The following GRIK1 variants were observed in gnomAD, a reference collection of about 807,000 sequenced individuals.
GRIK1 encodes the protein glutamate receptor ionotropic, kainate 1.
GRIK1 carries 69 observed loss-of-function variants against 105.7 expected under a neutral mutation model. The observed-to-expected ratio is 0.65, with a 90% CI of 0.54 to 0.80. The LOEUF (loss-of-function observed/expected upper bound fraction) is 0.80, where lower values mean the gene tolerates loss of function less well. Among genes scored for constraint, GRIK1 ranks in the 30% least tolerant of loss-of-function variants. The pLI is 0.00. For missense variants in GRIK1, 1,109 were observed against 1,167.3 expected (o/e 0.95, Z 0.73); for synonymous variants, 438 against 431.3 (o/e 1.02, Z -0.19).
intron 1 of GRIK1, chr21:29,749,068 T>G (rs1277438410): frequency 6.6e-6 from 1 of 152,202 alleles, no homozygotes; most frequent in Non-Finnish European, 1.5e-5. Context: ...AAGGCTCTCC[T>G]GCAACATCTT....
chr21:29,937,884 A>ATATT (rs913707087), intron 1 of GRIK1, among the ~76,000 whole-genome samples: 1 of 152,102 alleles, frequency 6.6e-6, no homozygotes, highest in Non-Finnish European at 1.5e-5. Context: ...CAGATAAAGG[A>ATATT]TATTTCAGTT....
chr21:29,848,779 A>ATATATATTTTTTTTTTT, intron 1 of GRIK1, among the ~76,000 whole-genome samples: 1 of 77,866 alleles, frequency 1.3e-5, no homozygotes, highest in African/African-American at 5.8e-5. Context: ...ATATATATAT[A>ATATATATTTTTTTTTTT]TTTTTTTTTT....
intron 7 of GRIK1, among the ~76,000 whole-genome samples, chr21:29,622,640 A>G (rs1420949267): frequency 6.6e-6 from 1 of 152,112 alleles, no homozygotes; most frequent in Non-Finnish European, 1.5e-5. Flanking sequence ...TCCTAGGGGG[A>G]CCATGCACAT....
chr21:29,601,169 A>G, intron 7 of GRIK1: 1 of 490,344 alleles, frequency 2.0e-6, no homozygotes, highest in Non-Finnish European at 4.2e-6. Flanking sequence ...CAATTCATGT[A>G]GAGCCTGAAA....
At chr21:29,861,228 T>C (rs2068625790) in intron 1 of GRIK1, among the ~76,000 whole-genome samples, 1 of 152,108 alleles carries the variant, frequency 6.6e-6, no homozygotes, top group Non-Finnish European at 1.5e-5. Context: ...AGAAAGAATG[T>C]CTTTCTTCGT....
chr21:29,885,171 G>T (rs529433380), intron 1 of GRIK1, among the ~76,000 whole-genome samples: 1 of 152,026 alleles, frequency 6.6e-6, no homozygotes, highest in South Asian at 2.1e-4. Context: ...ATCAAATCAG[G>T]GTATTTATTG....
rs1218773356 is a variant in GRIK1, at chr21:29,828,011, C to CTCTCTCTCTGTCTCTGTG, written c.118+111371_118+111372insCACAGAGACAGAGAGAGA. On this transcript the variant is annotated intron_variant, in intron 1 of 17. Transcript: ENST00000327783. ...TCTCTCTCTCTCTCTCTGTCTCTCT[C>CTCTCTCTCTGTCTCTGTG]TGTGTGTGTGTGTGTGTGTGTGTGG... Among the ~76,000 whole-genome samples the CTCTCTCTCTGTCTCTGTG allele has an allele frequency of 8.9e-4, 68 of 76,504 alleles. 1 individual carries two copies. Among genetic ancestry groups the CTCTCTCTCTGTCTCTGTG allele is most frequent in the African/African-American group, 1.9e-3 (59 of 31,442 alleles). The allele number at this position is 76,504 out of a possible 152,430, so 50.2% of individuals were successfully genotyped here.
intron 1 of GRIK1, among the ~76,000 whole-genome samples, chr21:29,780,721 T>C (rs1023095204): frequency 2.0e-5 from 3 of 152,234 alleles, no homozygotes; most frequent in African/African-American, 7.2e-5. Flanking sequence ...TTAGATATTG[T>C]TCTTAATTGC....
At position 29,661,181 on chromosome 21, in the gene GRIK1, G is replaced by A. The variant is rs146950544; in HGVS notation, c.727-6318C>T. ...ATGATTATAGCTTACATCTACAAAA[G>A]TAATAGTGGAATATACAGAAAATAG... On this transcript the variant is annotated intron_variant, in intron 4 of 17. Coordinates refer to ENST00000327783, the MANE Select transcript of GRIK1 (RefSeq NM_001330994.2). Among the ~76,000 whole-genome samples the A allele has an allele frequency of 3.4e-3, 520 of 152,282 alleles. 4 individuals carry two copies. The highest frequency in any genetic ancestry group is 0.012 in the African/African-American group (505 of 41,542).
chr21:29,760,243 A>G (rs1174194984), intron 1 of GRIK1, among the ~76,000 whole-genome samples: 1 of 152,118 alleles, frequency 6.6e-6, no homozygotes, highest in Non-Finnish European at 1.5e-5. Context: ...TTCACCTCCA[A>G]CATGCTCTTG....
At chr21:29,890,191 T>C (rs927932102) in intron 1 of GRIK1, among the ~76,000 whole-genome samples, 3 of 152,186 alleles carry the variant, frequency 2.0e-5, no homozygotes, top group Non-Finnish European at 4.4e-5. Context: ...CTACACACCA[T>C]AGGCTCTAGA....
chr21:29,665,422 C>T (rs1408056193), intron 4 of GRIK1, among the ~76,000 whole-genome samples: 1 of 152,152 alleles, frequency 6.6e-6, no homozygotes, highest in Non-Finnish European at 1.5e-5. Flanking sequence ...AATTATATAA[C>T]ATACTACAAA....
chr21:29,612,867 A>C (rs1042747406), intron 7 of GRIK1, among the ~76,000 whole-genome samples: 12 of 152,354 alleles, frequency 7.9e-5, no homozygotes, highest in African/African-American at 2.4e-4. Context: ...GACATTGTAA[A>C]CAAGACACTT....
intron 1 of GRIK1, among the ~76,000 whole-genome samples, chr21:29,701,081 A>C (rs917623688): frequency 1.3e-5 from 2 of 152,204 alleles, no homozygotes. Flanking sequence ...ATTCATGGTT[A>C]TATATATTAT....
In GRIK1 at chr21:29,870,454, G is replaced by C. The variant is rs576136881; in HGVS notation, c.118+68929C>G. 6.6e-5 allele frequency among the ~76,000 whole-genome samples: 10 copies of C among 151,576 alleles called. No individual in the cohort carries two copies. In the East Asian group the frequency reaches 1.9e-3, roughly 29 times the overall value. Reference sequence around the variant, plus strand: ...TAGCCAGTTTAGAAGATGAACAATAGAACACTTATTTTACACTAAATAAAA... The same window carrying C: ...TAGCCAGTTTAGAAGATGAACAATACAACACTTATTTTACACTAAATAAAA... On this transcript the variant is annotated intron_variant, in intron 1 of 17. Transcript: ENST00000327783.
intron 7 of GRIK1, among the ~76,000 whole-genome samples, chr21:29,624,543 A>T (rs1288156652): frequency 6.6e-6 from 1 of 152,254 alleles, no homozygotes; most frequent in East Asian, 1.9e-4. Flanking sequence ...TTTATAACCA[A>T]AAGGTCAGCT....
chr21:29,649,236 G>A (rs1221099848), intron 6 of GRIK1, among the ~76,000 whole-genome samples: 1 of 152,144 alleles, frequency 6.6e-6, no homozygotes, highest in Non-Finnish European at 1.5e-5. Flanking sequence ...CTGCATGACT[G>A]TTGGATACAA....
chr21:29,909,217 G>A (rs1446311194), intron 1 of GRIK1, among the ~76,000 whole-genome samples: 2 of 151,812 alleles, frequency 1.3e-5, no homozygotes, highest in Non-Finnish European at 1.5e-5. Flanking sequence ...ATATTTAACA[G>A]GGATCTTTAA....
rs944594792 is a variant in GRIK1 at position 29,700,451 on chromosome 21, C to T, written c.119-6388G>A. ...AGGCTAAGGTCAATAATGTGCTATT[C>T]GTGAAGACACCCAAGGTAAACCCAC... On this transcript the variant is annotated intron_variant, in intron 1 of 17. Coordinates refer to ENST00000327783, the MANE Select transcript of GRIK1 (RefSeq NM_001330994.2). Among the ~76,000 whole-genome samples the T allele has an allele frequency of 1.3e-4, 20 of 152,228 alleles. 1 individual carries two copies. The South Asian group carries it at 2.7e-3, about 21-fold the overall frequency.
Sources: gnomAD v4.1 joint callset for allele counts (sites outside exome capture counted in the v4.1 genomes callset) on GRCh38, gnomAD v4.1.1 for gene constraint, MANE v1.5 for transcripts, NCBI Gene and HGNC (gene_info 2026-07-23, HGNC 2026-07-21) for gene names.